The following PDZD2 variants were observed in gnomAD, a reference collection of about 807,000 sequenced individuals.
PDZD2 encodes the protein PDZ domain containing 2.
In PDZD2, 90 loss-of-function variants were observed where a neutral mutation model predicts 220.7. The ratio of observed to expected loss-of-function variants is 0.41; its 90% CI spans 0.34 to 0.49. The LOEUF (loss-of-function observed/expected upper bound fraction) is 0.49, where lower values mean the gene tolerates loss of function less well. Among genes scored for constraint, PDZD2 ranks in the 20% least tolerant of loss-of-function variants. The pLI, the probability that PDZD2 is intolerant of heterozygous loss-of-function variation, is 0.28. For missense variants in PDZD2, 3,174 were observed against 3,608.5 expected, an observed-to-expected ratio of 0.88 and a Z score of 3.08; for synonymous variants, 1,375 against 1,450.5, an observed-to-expected ratio of 0.95 and a Z score of 1.18.
intron 14 of PDZD2, 96 bp downstream of exon 14, chr5:32,061,230 AG>A: frequency 8.1e-7 from 1 of 1,242,186 alleles, no homozygotes; most frequent in Non-Finnish European, 1.2e-6. Flanking sequence ...AGCTGGGGAT[AG>A]GCAGGCAACC....
chr5:32,046,555 A>G (rs1737993208), intron 7 of PDZD2, among the ~76,000 whole-genome samples: 1 of 152,170 alleles, frequency 6.6e-6, no homozygotes, highest in South Asian at 2.1e-4. Context: ...AATTGTTACT[A>G]TAGAAGTATC....
chr5:32,026,616 A>G (rs1275078103), intron 6 of PDZD2, among the ~76,000 whole-genome samples: 3 of 152,132 alleles, frequency 2.0e-5, no homozygotes, highest in South Asian at 2.1e-4. Flanking sequence ...TCATAGTCCT[A>G]CTTCCAGAAA....
At chr5:31,926,540 A>AAAC (rs1215569295) in intron 2 of PDZD2, among the ~76,000 whole-genome samples, 2 of 151,358 alleles carry the variant, frequency 1.3e-5, no homozygotes, top group Non-Finnish European at 3.0e-5. Flanking sequence ...AAAAAAAAAA[A>AAAC]AAAAAGAAAA....
intron 2 of PDZD2, among the ~76,000 whole-genome samples, chr5:31,865,019 T>C (rs1337324069): frequency 6.6e-6 from 1 of 151,806 alleles, no homozygotes; most frequent in Non-Finnish European, 1.5e-5. Flanking sequence ...TGGCTAATTT[T>C]TGTATTTTTA....
rs1744222982 is a variant in PDZD2 at position 32,101,131 on chromosome 5, C to G, written c.8245C>G (p.Leu2749Val). Residue 2749 changes from leucine to valine, a missense_variant, in exon 24 of 25, where the codon CTG becomes GTG. Leu to Val is a conservative substitution (Grantham distance 32). Around this residue, in one of 4 missense-constraint regions of PDZD2, gnomAD observed 631 missense variants for 789.9 expected, o/e 0.80. Coordinates refer to ENST00000438447, the MANE Select transcript of PDZD2 (RefSeq NM_178140.4). ...GAGAAGTGTGGCTGTACACGATGCT[C>G]TGTGTGTTGAAGTGCTGAAGACCTC... ...IGRSVAVHDALCVEVLKTSAG... is the reference protein window; with the variant it reads ...IGRSVAVHDAVCVEVLKTSAG... 13 of 1,614,024 alleles carry G rather than the reference C, an allele frequency of 8.1e-6. No individual in the cohort carries two copies. Among genetic ancestry groups the G allele is most frequent in the Non-Finnish European group, 1.1e-5 (13 of 1,179,932 alleles).
At chr5:31,978,714 C>CAAAAAAAAAAAAAA (rs10632600) in intron 2 of PDZD2, among the ~76,000 whole-genome samples, 61 of 128,014 alleles carry the variant, frequency 4.8e-4, no homozygotes, top group African/African-American at 1.9e-3. Flanking sequence ...GACTCCATCT[C>CAAAAAAAAAAAAAA]AAAAAAAAAA....
At chr5:32,014,477 A>C (rs768808459) in intron 6 of PDZD2, among the ~76,000 whole-genome samples, 6 of 152,092 alleles carry the variant, frequency 3.9e-5, no homozygotes, top group Non-Finnish European at 7.4e-5. Context: ...CCCCACAATC[A>C]TTTGCATAAT....
chr5:31,784,508 A>G (rs1753259306), intron 1 of PDZD2, among the ~76,000 whole-genome samples: 1 of 152,310 alleles, frequency 6.6e-6, no homozygotes, highest in South Asian at 2.1e-4. Flanking sequence ...AGAGATCAGA[A>G]ATCATTACTT....
intron 2 of PDZD2, among the ~76,000 whole-genome samples, chr5:31,919,475 T>C (rs777396457): frequency 7.9e-5 from 12 of 152,048 alleles, no homozygotes; most frequent in Admixed American, 2.0e-4. Flanking sequence ...GCCTCCCTAG[T>C]AGCTAGGATT....
intron 1 of PDZD2, among the ~76,000 whole-genome samples, chr5:31,732,989 A>G (rs956687917): frequency 3.3e-5 from 5 of 152,202 alleles, no homozygotes; most frequent in Non-Finnish European, 5.9e-5. Context: ...TCGGCCTCCC[A>G]AAGTGCTAGG....
At chr5:32,069,950 A>G (rs938800057) in intron 15 of PDZD2, among the ~76,000 whole-genome samples, 1 of 152,232 alleles carries the variant, frequency 6.6e-6, no homozygotes, top group Non-Finnish European at 1.5e-5. Context: ...CTAAAGATGA[A>G]AGGGAAACGA....
chr5:31,821,613 T>G (rs1431406396), intron 2 of PDZD2, among the ~76,000 whole-genome samples: 2 of 151,954 alleles, frequency 1.3e-5, no homozygotes, highest in East Asian at 3.9e-4. Context: ...TCTTTTGACC[T>G]CGTGATCTAC....
intron 2 of PDZD2, among the ~76,000 whole-genome samples, chr5:31,841,275 G>T (rs1441608929): frequency 1.3e-5 from 2 of 152,008 alleles, no homozygotes; most frequent in Admixed American, 6.6e-5. Flanking sequence ...CACATCTGTG[G>T]GTATGAACTT....
At chr5:31,761,882 TA>T (rs1176371855) in intron 1 of PDZD2, among the ~76,000 whole-genome samples, 1 of 147,866 alleles carries the variant, frequency 6.8e-6, no homozygotes, top group Non-Finnish European at 1.5e-5. Context: ...AAAAGAGGGT[TA>T]ATTGGCTCAC....
At chr5:31,982,534 C>A (rs6450885) in intron 2 of PDZD2, among the ~76,000 whole-genome samples, 2 of 152,030 alleles carry the variant, frequency 1.3e-5, no homozygotes, top group Non-Finnish European at 2.9e-5. Context: ...TCTCAAACCC[C>A]TGGACTCAAG....
At position 31,950,235 on chromosome 5, in the gene PDZD2, G is replaced by A. The variant is rs572436168; in HGVS notation, c.477-32920G>A. 1.8e-4 allele frequency among the ~76,000 whole-genome samples: 28 copies of A among 152,242 alleles called. No individual in the cohort carries two copies. The South Asian group carries it at 5.6e-3, about 30-fold the overall frequency. On this transcript the variant is annotated intron_variant, in intron 2 of 24. Transcript: ENST00000438447. ...ATCAGATTCTGATCCACGAGCCTGG[G>A]CCCATGATCCTGGCACTAGCATTCT... is the stretch of plus-strand genomic sequence containing the variant.
At chr5:32,039,304 G>A (rs150716451) in intron 7 of PDZD2, among the ~76,000 whole-genome samples, 4,188 of 151,858 alleles carry the variant, frequency 0.028, 228 homozygotes, top group African/African-American at 0.097. Flanking sequence ...ACGGGGTTTC[G>A]CCGCGTTGAC....
intron 1 of PDZD2, among the ~76,000 whole-genome samples, chr5:31,689,353 A>ATATATATTTTTTTTTTCTTT: frequency 5.7e-5 from 2 of 35,118 alleles, no homozygotes; most frequent in Non-Finnish European, 8.4e-5. Context: ...ATATATATAT[A>ATATATATTTTTTTTTTCTTT]TTTTTTTTTT....
chr5:31,976,713 T>TC, intron 2 of PDZD2, among the ~76,000 whole-genome samples: 4 of 114,222 alleles, frequency 3.5e-5, no homozygotes, highest in African/African-American at 1.4e-4. Flanking sequence ...TTTTCTTCTT[T>TC]CTTTTTTTTT....
Sources: allele counts gnomAD v4.1 joint callset (sites outside exome capture counted in the v4.1 genomes callset), GRCh38; gene constraint gnomAD v4.1.1; regional missense constraint gnomAD v4.1.1; transcripts MANE v1.5; gene names NCBI Gene and HGNC (gene_info 2026-07-23, HGNC 2026-07-21).